ADGRL3: variants seen among roughly 807,000 people sequenced by gnomAD.
ADGRL3 encodes adhesion G protein-coupled receptor L3, also known as calcium-independent alpha-latrotoxin receptor 3.
A neutral mutation model predicts 153.5 loss-of-function variants in ADGRL3; 62 were observed. The observed-to-expected ratio is 0.40, with a 90% CI of 0.33 to 0.50. The LOEUF (loss-of-function observed/expected upper bound fraction) is 0.50. Ranked by LOEUF, ADGRL3 falls within the 20% of genes least tolerant of loss-of-function variation. The pLI is 0.47. For missense variants in ADGRL3, 1,641 were observed against 1,859.4 expected (o/e 0.88, Z 2.16); for synonymous variants, 710 against 672.5 (o/e 1.06, Z -0.86).
At chr4:61,641,217 G>T (rs1478077230) in intron 5 of ADGRL3, among the ~76,000 whole-genome samples, 1 of 151,862 alleles carries the variant, frequency 6.6e-6, no homozygotes, top group Non-Finnish European at 1.5e-5. Flanking sequence ...TACATGATGT[G>T]ATGCCTACTT....
At chr4:61,701,430 A>ATTTTTTTTT (rs71664995) in intron 6 of ADGRL3, among the ~76,000 whole-genome samples, 8 of 105,410 alleles carry the variant, frequency 7.6e-5, no homozygotes, top group Non-Finnish European at 1.1e-4. Context: ...TAAAGGTACA[A>ATTTTTTTTT]TTTTTTTTTT....
At chr4:61,463,634 A>G (rs906046148) in intron 2 of ADGRL3, among the ~76,000 whole-genome samples, 1 of 152,160 alleles carries the variant, frequency 6.6e-6, no homozygotes, top group African/African-American at 2.4e-5. Context: ...AAATGTGGCA[A>G]TCCTACTTTA....
chr4:61,678,845 T>G (rs2095270773), intron 6 of ADGRL3, among the ~76,000 whole-genome samples: 1 of 152,060 alleles, frequency 6.6e-6, no homozygotes, highest in Non-Finnish European at 1.5e-5. Context: ...AAAAGTATAA[T>G]GCAGAATTGG....
intron 5 of ADGRL3, among the ~76,000 whole-genome samples, chr4:61,592,990 T>C (rs557721196): frequency 3.7e-4 from 56 of 152,260 alleles, no homozygotes; most frequent in Non-Finnish European, 6.2e-4. Flanking sequence ...TCTTGCTTTT[T>C]CTTTTCTGTG....
chr4:61,912,611 C>A (rs2098726885), intron 12 of ADGRL3, 108 bp from the exon 13 acceptor site: 2 of 953,324 alleles, frequency 2.1e-6, no homozygotes, highest in South Asian at 3.0e-5. Flanking sequence ...TAGTGAATGA[C>A]AAAATAAGGT....
chr4:61,616,823 T>G (rs928843272), intron 5 of ADGRL3, among the ~76,000 whole-genome samples: 3 of 152,116 alleles, frequency 2.0e-5, no homozygotes, highest in African/African-American at 7.2e-5. Context: ...TTATTATTTT[T>G]TTAACTTTTT....
intron 6 of ADGRL3, among the ~76,000 whole-genome samples, chr4:61,678,627 T>C (rs1341215748): frequency 6.6e-6 from 1 of 151,998 alleles, no homozygotes; most frequent in Non-Finnish European, 1.5e-5. Flanking sequence ...GCAATTTGGT[T>C]CCTTAATGTC....
At chr4:61,523,379 G>T (rs1432872675) in intron 4 of ADGRL3, among the ~76,000 whole-genome samples, 1 of 152,064 alleles carries the variant, frequency 6.6e-6, no homozygotes, top group Non-Finnish European at 1.5e-5. Flanking sequence ...GTGGCTTTTA[G>T]AGTGCTGTGT....
intron 6 of ADGRL3, among the ~76,000 whole-genome samples, chr4:61,722,272 T>A (rs542014490): frequency 1.5e-4 from 23 of 152,324 alleles, no homozygotes; most frequent in Middle Eastern, 3.4e-3. Context: ...TCTGATAGAA[T>A]TATAACTATT....
intron 15 of ADGRL3, among the ~76,000 whole-genome samples, chr4:61,945,243 T>A (rs2098915046): frequency 1.6e-4 from 1 of 6,392 alleles, no homozygotes; most frequent in Non-Finnish European, 3.1e-4. Context: ...CCAGTTAGGC[T>A]GCTCGGGGGT....
chr4:61,714,221 G>GCACACACACACACACACACACACA (rs57350284), intron 6 of ADGRL3, among the ~76,000 whole-genome samples: 1,952 of 150,740 alleles, frequency 0.013, 28 homozygotes, highest in East Asian at 0.074. Flanking sequence ...TGTAAAATAC[G>GCACACACACACACACACACACACA]CACACACACA....
chr4:61,256,677 G>T (rs756530588), intron 1 of ADGRL3, among the ~76,000 whole-genome samples: 1 of 151,980 alleles, frequency 6.6e-6, no homozygotes, highest in African/African-American at 2.4e-5. Context: ...CGAATGATTC[G>T]CTTTATGTTA....
intron 1 of ADGRL3, among the ~76,000 whole-genome samples, chr4:61,327,479 A>C (rs1032867763): frequency 2.6e-5 from 4 of 151,898 alleles, no homozygotes; most frequent in African/African-American, 9.7e-5. Context: ...AGAACGATGA[A>C]AACTAGTTTA....
At chr4:61,581,005 G>A (rs530538089) in intron 4 of ADGRL3, among the ~76,000 whole-genome samples, 1 of 152,088 alleles carries the variant, frequency 6.6e-6, no homozygotes, top group African/African-American at 2.4e-5. Flanking sequence ...TGCCACGTGT[G>A]TTGATGGCTG....
At chr4:61,563,364 G>T (rs1356230666) in intron 4 of ADGRL3, among the ~76,000 whole-genome samples, 2 of 152,102 alleles carry the variant, frequency 1.3e-5, no homozygotes, top group Non-Finnish European at 2.9e-5. Flanking sequence ...GTTCTATTTA[G>T]ACAGCACAGG....
At chr4:61,553,157 C>T (rs1209049779) in intron 4 of ADGRL3, among the ~76,000 whole-genome samples, 1 of 152,114 alleles carries the variant, frequency 6.6e-6, no homozygotes, top group Non-Finnish European at 1.5e-5. Flanking sequence ...ACTAAATTGC[C>T]TGGACAGATC....
chr4:61,264,619 C>G (rs1319110105), intron 1 of ADGRL3, among the ~76,000 whole-genome samples: 6 of 151,954 alleles, frequency 3.9e-5, no homozygotes, highest in African/African-American at 1.2e-4. Flanking sequence ...TTCTTTATGT[C>G]AAATTGTTAA....
chr4:61,550,863 A>T (rs2098737105), intron 4 of ADGRL3, among the ~76,000 whole-genome samples: 1 of 151,976 alleles, frequency 6.6e-6, no homozygotes, highest in Non-Finnish European at 1.5e-5. Context: ...TAGTCTAGGG[A>T]GCTGGCCAAC....
At chr4:61,229,706 C>T (rs1298534673) in intron 1 of ADGRL3, among the ~76,000 whole-genome samples, 1 of 152,036 alleles carries the variant, frequency 6.6e-6, no homozygotes, top group East Asian at 1.9e-4. Context: ...GAGTTTGAGA[C>T]CAGCCTGGGC....
Sources: gnomAD v4.1 joint callset for allele counts (sites outside exome capture counted in the v4.1 genomes callset) on GRCh38, gnomAD v4.1.1 for gene constraint, MANE v1.5 for transcripts, NCBI Gene and HGNC (gene_info 2026-07-23, HGNC 2026-07-21) for gene names.